Variants in VPS54 observed in about 807,000 individuals in gnomAD.
VPS54 encodes VPS54 subunit of GARP complex.
A neutral mutation model predicts 121.5 loss-of-function variants in VPS54; 45 were observed. That is an observed-to-expected ratio of 0.37 (90% CI 0.29 to 0.47). The LOEUF is 0.47. Among genes scored for constraint, VPS54 ranks in the 20% least tolerant of loss-of-function variants. The pLI, the probability that VPS54 is intolerant of heterozygous loss-of-function variation, is 0.99. For missense variants in VPS54, 1,090 were observed against 1,131.4 expected, an observed-to-expected ratio of 0.96 and a Z score of 0.52; for synonymous variants, 371 against 385.8, an observed-to-expected ratio of 0.96 and a Z score of 0.45.
intron 1 of VPS54, among the ~76,000 whole-genome samples, chr2:63,999,118 T>C (rs1408743771): frequency 1.3e-5 from 2 of 152,076 alleles, no homozygotes; most frequent in Non-Finnish European, 2.9e-5. Context: ...GCCTGGCTAA[T>C]TTTTGTTTTT....
chr2:63,956,782 C>A (rs1675513948), intron 7 of VPS54, among the ~76,000 whole-genome samples: 1 of 152,042 alleles, frequency 6.6e-6, no homozygotes, highest in Admixed American at 6.5e-5. Context: ...CAATATATGT[C>A]CTCTGTTGTA....
At chr2:63,987,671 TTCCTTTGTG>T (rs1404625864) in intron 1 of VPS54, among the ~76,000 whole-genome samples, 1 of 104,598 alleles carries the variant, frequency 9.6e-6, no homozygotes. Flanking sequence ...CAGAATATCT[TTCCTTTGTG>T]TGTGTGTTTG....
intron 5 of VPS54, among the ~76,000 whole-genome samples, chr2:63,967,534 C>T (rs1383256686): frequency 1.3e-5 from 2 of 151,702 alleles, no homozygotes; most frequent in African/African-American, 2.4e-5. Flanking sequence ...GCCTGGCCAA[C>T]GTGGCAAAAC....
At chr2:63,912,686 T>A in intron 18 of VPS54, 25 bp from the exon 19 acceptor site, 1 of 1,541,532 alleles carries the variant, frequency 6.5e-7, no homozygotes, top group Non-Finnish European at 8.6e-7. Flanking sequence ...AGTAGATATA[T>A]AATGGAGAAA....
chr2:63,995,774 T>C (rs1677553497), intron 1 of VPS54, among the ~76,000 whole-genome samples: 1 of 152,264 alleles, frequency 6.6e-6, no homozygotes, highest in Admixed American at 6.5e-5. Context: ...CCTGTATTCC[T>C]ATAACGAGAC....
intron 7 of VPS54, among the ~76,000 whole-genome samples, chr2:63,959,446 T>C (rs912733235): frequency 6.6e-6 from 1 of 152,176 alleles, no homozygotes; most frequent in African/African-American, 2.4e-5. Context: ...GTTATAAATA[T>C]ATTGGAACTG....
intron 7 of VPS54, among the ~76,000 whole-genome samples, chr2:63,957,441 CAAA>C (rs10551633): frequency 1.2e-4 from 11 of 90,096 alleles, no homozygotes; most frequent in African/African-American, 1.6e-4. Flanking sequence ...GACTCCATCT[CAAA>C]AAAAAAAAAA....
chr2:63,909,251 AC>A (rs1673030254), intron 20 of VPS54, among the ~76,000 whole-genome samples: 1 of 152,094 alleles, frequency 6.6e-6, no homozygotes, highest in African/African-American at 2.4e-5. Context: ...AGGCTTATTC[AC>A]CCTTGTGTAT....
intron 1 of VPS54, among the ~76,000 whole-genome samples, chr2:63,992,064 G>A (rs543150653): frequency 1.3e-5 from 2 of 152,274 alleles, no homozygotes; most frequent in South Asian, 4.1e-4. Context: ...CATTCATACT[G>A]GTCTCATTAA....
rs763833124 is a variant in VPS54 at position 63,913,934 on chromosome 2, CA to C, written c.2334+247del. The C allele has an allele frequency of 3.8e-5, 49 of 1,282,004 alleles. No homozygotes were observed. In the African/African-American group the frequency reaches 6.7e-4, roughly 17 times the overall value. 79.4% of individuals were successfully genotyped at this position (1,282,004 alleles called of 1,614,324 possible). On this transcript the variant is annotated intron_variant, in intron 17 of 22. Coordinates refer to ENST00000272322, the MANE Select transcript of VPS54 (RefSeq NM_016516.3). ...TCAGTCATGTTCAGCACCTAACGAACAAATCATCTCCTGTCTCCAATGTCAT... is the reference window on the plus strand; with the variant it reads ...TCAGTCATGTTCAGCACCTAACGAACAATCATCTCCTGTCTCCAATGTCAT...
intron 20 of VPS54, 150 bp downstream of exon 20, chr2:63,912,195 C>T: frequency 1.3e-6 from 1 of 771,954 alleles, no homozygotes; most frequent in Non-Finnish European, 2.0e-6. Context: ...GTCACATTTT[C>T]CTGAAAAAAA....
chr2:63,945,039 A>G (rs1674914532), intron 9 of VPS54, among the ~76,000 whole-genome samples: 1 of 152,222 alleles, frequency 6.6e-6, no homozygotes. Context: ...ATTACTGGTT[A>G]CATACCCAGA....
Position 63,927,224 on chromosome 2 carries a change from G to A in VPS54, c.1740-5889C>T, listed in dbSNP as rs539056819. On this transcript the variant is annotated intron_variant, in intron 12 of 22. Coordinates refer to ENST00000272322, the MANE Select transcript of VPS54 (RefSeq NM_016516.3). ...CTCCTCAAGTGGATCCCTGACCCCC[G>A]TGCAGCCTGACTGGGAGACACCTCC... 2.6e-5 allele frequency among the ~76,000 whole-genome samples: 4 copies of A among 152,260 alleles called. No individual in the cohort carries two copies. In the South Asian group the frequency reaches 6.2e-4, roughly 24 times the overall value.
intron 1 of VPS54, among the ~76,000 whole-genome samples, chr2:63,990,650 C>G (rs1677275323): frequency 6.6e-6 from 1 of 152,184 alleles, no homozygotes; most frequent in Non-Finnish European, 1.5e-5. Context: ...CTTATCTACA[C>G]ATGCTTTTCC....
chr2:63,968,190 C>T (rs1676099028), intron 5 of VPS54, among the ~76,000 whole-genome samples: 2 of 151,754 alleles, frequency 1.3e-5, no homozygotes, highest in South Asian at 4.2e-4. Context: ...GACTCTCTTC[C>T]CAGAAAAAAA....
intron 3 of VPS54, among the ~76,000 whole-genome samples, chr2:63,974,757 T>G (rs565096899): frequency 6.6e-6 from 1 of 152,330 alleles, no homozygotes; most frequent in East Asian, 1.9e-4. Context: ...TATAAGAAAG[T>G]AATTAACTTT....
chr2:63,955,277 C>A (rs542009235), intron 7 of VPS54, among the ~76,000 whole-genome samples: 2 of 151,852 alleles, frequency 1.3e-5, no homozygotes, highest in Non-Finnish European at 2.9e-5. Flanking sequence ...TAAAAAAAAA[C>A]AGTGACAGTG....
At chr2:63,952,868 T>C (rs1054105136) in intron 7 of VPS54, among the ~76,000 whole-genome samples, 1 of 152,144 alleles carries the variant, frequency 6.6e-6, no homozygotes, top group Non-Finnish European at 1.5e-5. Flanking sequence ...GTCTCAAAGA[T>C]GCATGAGCAA....
At chr2:63,958,010 T>C (rs1191798149) in intron 7 of VPS54, among the ~76,000 whole-genome samples, 1 of 152,072 alleles carries the variant, frequency 6.6e-6, no homozygotes, top group Non-Finnish European at 1.5e-5. Flanking sequence ...AATGGGAAAT[T>C]AGGGACAATG....
Sources: allele counts gnomAD v4.1 joint callset (sites outside exome capture counted in the v4.1 genomes callset), GRCh38; gene constraint gnomAD v4.1.1; transcripts MANE v1.5; gene names NCBI Gene and HGNC (gene_info 2026-07-23, HGNC 2026-07-21).